RELB: variants seen among roughly 807,000 people sequenced by gnomAD.
RELB encodes RELB proto-oncogene, NF-kB subunit.
In RELB, 14 loss-of-function variants were observed where a neutral mutation model predicts 55.4. That is an observed-to-expected ratio of 0.25 (90% confidence interval 0.17 to 0.40). The LOEUF (loss-of-function observed/expected upper bound fraction) is 0.40, where lower values mean the gene tolerates loss of function less well. Ranked by LOEUF, RELB falls within the 10% of genes least tolerant of loss-of-function variation. RELB has a pLI of 1.00. For synonymous variants in RELB, 409 were observed against 371.3 expected, an observed-to-expected ratio of 1.10 and a Z score of -1.17; for missense variants, 669 against 830.7, an observed-to-expected ratio of 0.81 and a Z score of 2.39.
chr19:45,022,136 C>T lies in RELB; in HGVS notation c.588C>T (p.His196=), dbSNP rs1441092784. ...ACTGGCCTCACCGAGTCCACCCCCA[C>T]AGCCTCGTGGGGAAAGACTGCACCG... ...WKDWPHRVHP[H]SLVGKDCTDG... is the part of the protein sequence containing the mutation. Residue 196 remains histidine (H), a synonymous_variant, in exon 5 of 12, where the codon CAC becomes CAT. Coordinates refer to ENST00000221452, the MANE Select transcript of RELB (RefSeq NM_006509.4). 3.7e-6 allele frequency: 6 copies of T among 1,613,334 alleles called. No individual in the cohort carries two copies. The highest frequency in any genetic ancestry group is 5.1e-6 in the Non-Finnish European group (6 of 1,179,742).
intron 5 of RELB, 62 bp from the exon 6 acceptor site, chr19:45,025,267 C>G: frequency 8.5e-7 from 1 of 1,169,620 alleles, no homozygotes; most frequent in Non-Finnish European, 1.3e-6. Context: ...AGCCCTCCTG[C>G]AGGTTAGGGC....
intron 11 of RELB, among the ~76,000 whole-genome samples, chr19:45,036,547 G>A (rs1228706592): frequency 6.6e-6 from 1 of 151,998 alleles, no homozygotes; most frequent in African/African-American, 2.4e-5. Flanking sequence ...GTATGTTGGG[G>A]GGCTTTGGAA....
At position 45,009,205 on chromosome 19, in the gene RELB, C is replaced by T. The variant is rs371024196; in HGVS notation, c.155-609C>T. 3.0e-3 allele frequency among the ~76,000 whole-genome samples: 459 copies of T among 152,258 alleles called. 1 individual carries two copies. The highest frequency in any genetic ancestry group is 0.01 in the African/African-American group (418 of 41,550). ...AAGCGATTCTCCTGCCTCAGCCTCC[C>T]GAGTAGCTGGGATTACAGGTGCCCA... On this transcript the variant is annotated intron_variant, in intron 2 of 11. Coordinates refer to ENST00000221452, the MANE Select transcript of RELB (RefSeq NM_006509.4).
At chr19:45,025,264 C>G (rs1600077609) in intron 5 of RELB, 65 bp from the exon 6 acceptor site, 1 of 1,139,528 alleles carries the variant, frequency 8.8e-7, no homozygotes, top group East Asian at 2.5e-5. Flanking sequence ...CAGAGCCCTC[C>G]TGCAGGTTAG....
intron 7 of RELB, among the ~76,000 whole-genome samples, chr19:45,028,687 A>C (rs1404107201): frequency 2.6e-5 from 4 of 152,060 alleles, no homozygotes; most frequent in African/African-American, 9.7e-5. Flanking sequence ...AGGGCTGGCG[A>C]TTGTTCGTTA....
At chr19:45,033,885 C>T (rs1971655749) in intron 9 of RELB, among the ~76,000 whole-genome samples, 2 of 151,408 alleles carry the variant, frequency 1.3e-5, no homozygotes. Context: ...CCTGGCACAG[C>T]AGCTCACACC....
intron 3 of RELB, among the ~76,000 whole-genome samples, chr19:45,010,736 G>A (rs1398119099): frequency 1.3e-5 from 2 of 152,118 alleles, no homozygotes; most frequent in African/African-American, 4.8e-5. Flanking sequence ...GGAGTGCAGT[G>A]GTGCTGTCTC....
At chr19:45,020,393 T>G (rs997918096) in intron 4 of RELB, among the ~76,000 whole-genome samples, 6 of 151,540 alleles carry the variant, frequency 4.0e-5, no homozygotes, top group African/African-American at 1.5e-4. Context: ...CTGGCTAATT[T>G]TTGTATTTTT....
chr19:45,009,846 C>T (rs1430334988), intron 3 of RELB, 24 bp downstream of exon 3: 8 of 1,588,762 alleles, frequency 5.0e-6, no homozygotes, highest in East Asian at 2.2e-5. Flanking sequence ...GGCAGGTTTG[C>T]GGGGAGGCTG....
chr19:45,034,188 G>T, intron 9 of RELB, 56 bp from the exon 10 acceptor site: 3 of 1,195,536 alleles, frequency 2.5e-6, no homozygotes, highest in Middle Eastern at 2.3e-4. Context: ...ATAAATAAAG[G>T]AATTAATTAT....
chr19:45,023,897 C>T (rs1312971617), intron 5 of RELB, among the ~76,000 whole-genome samples: 56 of 150,650 alleles, frequency 3.7e-4, no homozygotes, highest in African/African-American at 1.3e-3. Flanking sequence ...ATTACAGGCG[C>T]CAGCCACCAC....
chr19:45,011,318 A>G (rs1005080069), intron 3 of RELB, among the ~76,000 whole-genome samples: 1 of 151,574 alleles, frequency 6.6e-6, no homozygotes, highest in Non-Finnish European at 1.5e-5. Context: ...ACGTGCCACC[A>G]TGCCTGGCTA....
At chr19:45,014,903 A>ATTT (rs11289208) in intron 4 of RELB, among the ~76,000 whole-genome samples, 1 of 130,780 alleles carries the variant, frequency 7.6e-6, no homozygotes, top group South Asian at 2.4e-4. Context: ...TGGATTCAGG[A>ATTT]TTTTTTTTTT....
intron 8 of RELB, among the ~76,000 whole-genome samples, chr19:45,030,815 G>T (rs1001682018): frequency 2.0e-5 from 3 of 152,180 alleles, no homozygotes; most frequent in African/African-American, 7.2e-5. Context: ...ATAAAGTAAA[G>T]TGAAGAAACT....
intron 3 of RELB, among the ~76,000 whole-genome samples, chr19:45,010,113 A>G (rs946049197): frequency 6.7e-6 from 1 of 150,172 alleles, no homozygotes; most frequent in African/African-American, 2.5e-5. Flanking sequence ...TAGCCTGGGT[A>G]ACATAGTGAG....
At chr19:45,035,518 AAACAAC>A (rs545018482) in intron 11 of RELB, among the ~76,000 whole-genome samples, 1 of 151,496 alleles carries the variant, frequency 6.6e-6, no homozygotes, top group African/African-American at 2.4e-5. Context: ...ACCCTTCTCA[AAACAAC>A]AACAACAACA....
chr19:45,029,183 C>T (rs1300500236), intron 8 of RELB, among the ~76,000 whole-genome samples, 191 bp downstream of exon 8: 4 of 152,210 alleles, frequency 2.6e-5, no homozygotes, highest in African/African-American at 9.6e-5. Flanking sequence ...GTCGCCTTCT[C>T]ACCCGTCTGC....
chr19:45,017,449 T>TAAAAA (rs544678800), intron 4 of RELB, among the ~76,000 whole-genome samples: 8 of 102,670 alleles, frequency 7.8e-5, no homozygotes, highest in African/African-American at 2.9e-4. Flanking sequence ...AGAATCTGTC[T>TAAAAA]AAAAAAAAAA....
At chr19:45,036,726 G>A (rs148159870) in intron 11 of RELB, among the ~76,000 whole-genome samples, 2 of 152,220 alleles carry the variant, frequency 1.3e-5, no homozygotes, top group East Asian at 3.9e-4. Flanking sequence ...CTGTTGCCCA[G>A]GCTGGAGTGC....
Sources: gnomAD v4.1 joint callset for allele counts (sites outside exome capture counted in the v4.1 genomes callset) on GRCh38, gnomAD v4.1.1 for gene constraint, MANE v1.5 for transcripts, NCBI Gene and HGNC (gene_info 2026-07-23, HGNC 2026-07-21) for gene names.